Variants in CEACAM20 observed in about 807,000 individuals in gnomAD.
The protein encoded by CEACAM20 is CEA cell adhesion molecule 20.
A neutral mutation model predicts 61.2 loss-of-function variants in CEACAM20; 50 were observed. The ratio of observed to expected loss-of-function variants is 0.82; its 90% CI spans 0.65 to 1.03. CEACAM20 has a LOEUF of 1.03. Among genes scored for constraint, CEACAM20 ranks in the 50% least tolerant of loss-of-function variants. The pLI, the probability that CEACAM20 is intolerant of heterozygous loss-of-function variation, is 0.00. For synonymous variants in CEACAM20, 282 were observed against 287.7 expected (o/e 0.98, Z 0.20); for missense variants, 683 against 736.4 (o/e 0.93, Z 0.84).
chr19:44,526,709 C>A (rs1165487651), intron 1 of CEACAM20, among the ~76,000 whole-genome samples: 2 of 151,488 alleles, frequency 1.3e-5, no homozygotes, highest in Non-Finnish European at 2.9e-5. Context: ...CCCGTCTCTA[C>A]AAAAAAATAC....
chr19:44,520,853 T>C (rs372792332), intron 4 of CEACAM20, 101 bp from the exon 5 acceptor site: 49 of 939,778 alleles, frequency 5.2e-5, no homozygotes, highest in Non-Finnish European at 6.8e-5. Flanking sequence ...TGCGTGTGTG[T>C]GTGTGTGTGT....
Position 44,526,624 on chromosome 19 carries a change from C to A in CEACAM20, c.53-1380G>T, listed in dbSNP as rs193065370. Among the ~76,000 whole-genome samples the A allele has an allele frequency of 1.1e-4, 16 of 152,176 alleles. No individual in the cohort carries two copies. In the East Asian group the frequency reaches 3.1e-3, roughly 29 times the overall value. Reference sequence around the variant, plus strand: ...TGGCGCGGTGGCTCATGCTTGTAATCCCAGCTCTTTGGAAGGCGGAGGTGG... The same window carrying A: ...TGGCGCGGTGGCTCATGCTTGTAATACCAGCTCTTTGGAAGGCGGAGGTGG... On this transcript the variant is annotated intron_variant, in intron 1 of 11. Coordinates refer to ENST00000614924, the MANE Select transcript of CEACAM20 (RefSeq NM_001102597.3).
At chr19:44,515,895 G>C (rs1174389105) in intron 6 of CEACAM20, among the ~76,000 whole-genome samples, 5 of 152,096 alleles carry the variant, frequency 3.3e-5, no homozygotes, top group African/African-American at 9.7e-5. Flanking sequence ...GCTTGAGTGT[G>C]GGAGGTTGAG....
chr19:44,519,940 G>A (rs868258278), intron 5 of CEACAM20, among the ~76,000 whole-genome samples: 1 of 152,132 alleles, frequency 6.6e-6, no homozygotes, highest in African/African-American at 2.4e-5. Context: ...TCCTTCAAGT[G>A]CATGGTTATC....
intron 1 of CEACAM20, among the ~76,000 whole-genome samples, chr19:44,527,640 A>T (rs73561903): frequency 0.057 from 8,598 of 152,044 alleles, 822 homozygotes; most frequent in African/African-American, 0.2. Flanking sequence ...TTGTCCTACC[A>T]GGAAGAGGCA....
At chr19:44,518,134 GGA>G (rs1971239488) in intron 5 of CEACAM20, among the ~76,000 whole-genome samples, 1 of 105,342 alleles carries the variant, frequency 9.5e-6, no homozygotes, top group African/African-American at 4.4e-5. Context: ...AAGGAAGGAA[GGA>G]AGGAAGGAAG....
chr19:44,511,491 C>A, intron 10 of CEACAM20, 146 bp downstream of exon 10: 1 of 843,260 alleles, frequency 1.2e-6, no homozygotes, highest in Non-Finnish European at 1.9e-6. Context: ...TCTGTGAGGC[C>A]TTAGGCTACT....
intron 8 of CEACAM20, among the ~76,000 whole-genome samples, chr19:44,512,345 TATC>T (rs1971026777): frequency 6.6e-6 from 1 of 152,176 alleles, no homozygotes; most frequent in African/African-American, 2.4e-5. Context: ...TTTAGCCCTT[TATC>T]CCTAATGGCC....
intron 6 of CEACAM20, among the ~76,000 whole-genome samples, chr19:44,516,410 G>A (rs1025898105): frequency 2.0e-5 from 3 of 152,154 alleles, no homozygotes; most frequent in African/African-American, 7.2e-5. Flanking sequence ...GACCTGGTGG[G>A]AGATAATTGA....
intron 4 of CEACAM20, 122 bp downstream of exon 4, chr19:44,522,512 C>T: frequency 2.9e-6 from 3 of 1,022,830 alleles, no homozygotes; most frequent in Non-Finnish European, 4.2e-6. Context: ...CAATGTCATG[C>T]AGGGATTTCT....
intron 6 of CEACAM20, among the ~76,000 whole-genome samples, chr19:44,513,811 G>A (rs7254925): frequency 0.033 from 5,037 of 152,204 alleles, 110 homozygotes; most frequent in Non-Finnish European, 0.044. Context: ...TTTCAGCAGT[G>A]TGACTTTGGG....
intron 9 of CEACAM20, 44 bp downstream of exon 9, chr19:44,511,973 C>A: frequency 6.4e-7 from 1 of 1,558,712 alleles, no homozygotes; most frequent in East Asian, 2.3e-5. Context: ...CTATAGCAGC[C>A]TGGTCAGGGG....
intron 6 of CEACAM20, among the ~76,000 whole-genome samples, chr19:44,514,727 C>T (rs1971104532): frequency 6.6e-6 from 1 of 151,920 alleles, no homozygotes; most frequent in African/African-American, 2.4e-5. Context: ...CCAAACTGCT[C>T]AGATTACAGG....
intron 11 of CEACAM20, among the ~76,000 whole-genome samples, chr19:44,508,010 G>C (rs184927509): frequency 3.9e-5 from 6 of 152,224 alleles, no homozygotes; most frequent in Non-Finnish European, 7.4e-5. Context: ...GTGCCCTCTG[G>C]AACAACAAGG....
chr19:44,516,552 C>G (rs558334843), intron 6 of CEACAM20, among the ~76,000 whole-genome samples: 4 of 152,198 alleles, frequency 2.6e-5, no homozygotes, highest in Admixed American at 1.3e-4. Flanking sequence ...GTAAGACATG[C>G]CTTTCGCCTT....
chr19:44,525,263 G>A lies in CEACAM20; in HGVS notation c.53-19C>T, dbSNP rs1288570065. 7.7e-6 allele frequency: 12 copies of A among 1,558,672 alleles called. No individual in the cohort carries two copies. The highest frequency in any genetic ancestry group is 2.4e-5 in the East Asian group (1 of 41,488). On this transcript the variant is annotated intron_variant, in intron 1 of 11. Transcript: ENST00000614924. Reference sequence around the variant, plus strand: ...AGCGAGGCTACAAGGGGAGAGAGGAGGCATTCAGGGAGGGAGAGGTGTGTT... The same window carrying A: ...AGCGAGGCTACAAGGGGAGAGAGGAAGCATTCAGGGAGGGAGAGGTGTGTT...
At chr19:44,522,053 T>TC (rs1599682394) in intron 4 of CEACAM20, among the ~76,000 whole-genome samples, 1 of 151,684 alleles carries the variant, frequency 6.6e-6, no homozygotes, top group African/African-American at 2.4e-5. Context: ...GCATTGGAAA[T>TC]CCCCCTGGGT....
Position 44,526,230 on chromosome 19 carries a change from G to A in CEACAM20, c.53-986C>T, listed in dbSNP as rs972541609. Among the ~76,000 whole-genome samples, 5 of 152,150 alleles carry A rather than the reference G, an allele frequency of 3.3e-5. 1 individual carries two copies. The highest frequency in any genetic ancestry group is 4.8e-5 in the African/African-American group (2 of 41,440). Reference sequence around the variant, plus strand: ...AGATAGCAGGTTTCCAGTTTTCAACGGGGTGTGGTGGCTCATGCCTGTAAT... The same window carrying A: ...AGATAGCAGGTTTCCAGTTTTCAACAGGGTGTGGTGGCTCATGCCTGTAAT... On this transcript the variant is annotated intron_variant, in intron 1 of 11. Coordinates refer to ENST00000614924, the MANE Select transcript of CEACAM20 (RefSeq NM_001102597.3).
chr19:44,513,684 G>A (rs1048450757), intron 6 of CEACAM20, among the ~76,000 whole-genome samples: 7 of 151,564 alleles, frequency 4.6e-5, no homozygotes, highest in Admixed American at 2.6e-4. Flanking sequence ...CAAGTGATCC[G>A]CCCACCTCAG....
Sources: gnomAD v4.1 joint callset for allele counts (sites outside exome capture counted in the v4.1 genomes callset) on GRCh38, gnomAD v4.1.1 for gene constraint, MANE v1.5 for transcripts, NCBI Gene and HGNC (gene_info 2026-07-23, HGNC 2026-07-21) for gene names.